The following ADCY5 variants were observed in gnomAD, a reference collection of about 807,000 sequenced individuals.
ADCY5 encodes adenylate cyclase type 5.
ADCY5 carries 30 observed loss-of-function variants against 119.7 expected under a neutral mutation model. That is an observed-to-expected ratio of 0.25 (90% CI 0.19 to 0.34). ADCY5 has a LOEUF of 0.34. Ranked by LOEUF, ADCY5 falls within the 10% of genes least tolerant of loss-of-function variation. The probability of loss-of-function intolerance (pLI) is 1.00; values close to 1 mark genes in which losing one functional copy is unlikely to be tolerated. For synonymous variants in ADCY5, 753 were observed against 762.2 expected, an observed-to-expected ratio of 0.99 and a Z score of 0.20; for missense variants, 1,324 against 1,775.2, an observed-to-expected ratio of 0.75 and a Z score of 4.57.
intron 12 of ADCY5, among the ~76,000 whole-genome samples, chr3:123,313,261 A>G (rs1200798085): frequency 1.3e-5 from 2 of 152,140 alleles, no homozygotes; most frequent in Non-Finnish European, 2.9e-5. Context: ...TATACGGTTA[A>G]CAGACTAATA....
chr3:123,438,412 C>T (rs1045269493), intron 1 of ADCY5, among the ~76,000 whole-genome samples: 13 of 152,158 alleles, frequency 8.5e-5, no homozygotes, highest in Non-Finnish European at 1.8e-4. Context: ...GTTTCAGTAA[C>T]CCATGGTCAA....
chr3:123,445,109 T>C lies in ADCY5; in HGVS notation c.1134+2303A>G, dbSNP rs548269993. Among the ~76,000 whole-genome samples the C allele has an allele frequency of 5.3e-5, 8 of 152,330 alleles. 1 individual carries two copies. In the South Asian group the frequency reaches 1.7e-3, roughly 32 times the overall value. On this transcript the variant is annotated intron_variant, in intron 1 of 20. Transcript: ENST00000462833. ...GCATTCCCTTGTCTTGAACCACTCATAACAAGCTCTGCACCACTCAGGGAA... is the reference window on the plus strand; with the variant it reads ...GCATTCCCTTGTCTTGAACCACTCACAACAAGCTCTGCACCACTCAGGGAA...
chr3:123,328,858 T>C (rs1312668105), intron 5 of ADCY5, 56 bp from the exon 6 acceptor site: 4 of 1,560,922 alleles, frequency 2.6e-6, no homozygotes, highest in Non-Finnish European at 3.5e-6. Flanking sequence ...GCACACAGAA[T>C]GGGGGTGAGG....
intron 8 of ADCY5, 68 bp downstream of exon 8, chr3:123,325,254 G>T: frequency 6.4e-7 from 1 of 1,570,766 alleles, no homozygotes. Context: ...TCTGGTGCGG[G>T]CCTCATGCCC....
intron 1 of ADCY5, among the ~76,000 whole-genome samples, chr3:123,436,172 G>T (rs1261397077): frequency 2.0e-5 from 3 of 151,752 alleles, no homozygotes; most frequent in African/African-American, 7.3e-5. Context: ...TTATAGGTGT[G>T]AGCCACTGCA....
rs544446937 is a variant in ADCY5, at chr3:123,325,194, C to T, written c.2088+128G>A. On this transcript the variant is annotated intron_variant, in intron 8 of 20. Coordinates refer to ENST00000462833, the MANE Select transcript of ADCY5 (RefSeq NM_183357.3). ...TAGTCCAAAGTTGGGGCAAACCGCA[C>T]TTGTATTTGCTTGTGTGGCTCCCCA... 4.7e-6 allele frequency: 6 copies of T among 1,280,454 alleles called. No individual in the cohort carries two copies. The African/African-American group carries it at 7.5e-5, about 16-fold the overall frequency. The allele number at this position is 1,280,454 out of a possible 1,614,324, so 79.3% of individuals were successfully genotyped here.
chr3:123,324,407 CACACACACA>C (rs1559806271), intron 8 of ADCY5, among the ~76,000 whole-genome samples: 2 of 586 alleles, frequency 3.4e-3, no homozygotes, highest in African/African-American at 0.021. Context: ...ACAGAAACCA[CACACACACA>C]CACACACACA....
In ADCY5 at chr3:123,286,874, C is replaced by T; in HGVS notation, c.3533-65G>A. 1 of 1,523,020 alleles carries T rather than the reference C, an allele frequency of 6.6e-7. No individual in the cohort carries two copies. The allele number at this position is 1,523,020 out of a possible 1,614,324, so 94.3% of individuals were successfully genotyped here. On this transcript the variant is annotated intron_variant, in intron 19 of 20. Coordinates refer to ENST00000462833, the MANE Select transcript of ADCY5 (RefSeq NM_183357.3). This position sits in a 1 kb window ranked among gnomAD's most constrained non-coding sequence, Gnocchi z 4.2. Reference sequence around the variant, plus strand: ...GGCTTGACCTTGCCACCATCTGTCTCCCCACATGCTGCAGGTCCTTCTGAC... The same window carrying T: ...GGCTTGACCTTGCCACCATCTGTCTTCCCACATGCTGCAGGTCCTTCTGAC...
rs188893874 is a variant in ADCY5, at chr3:123,315,284, T to C, written c.2355-962A>G. On this transcript the variant is annotated intron_variant, in intron 11 of 20. Coordinates refer to ENST00000462833, the MANE Select transcript of ADCY5 (RefSeq NM_183357.3). Reference sequence around the variant, plus strand: ...CAGGCCTCCACAAAAGCCCGGCACTTAGCTGCCTTCAACAAACGGAACAAG... The same window carrying C: ...CAGGCCTCCACAAAAGCCCGGCACTCAGCTGCCTTCAACAAACGGAACAAG... 1.5e-4 allele frequency among the ~76,000 whole-genome samples: 23 copies of C among 152,320 alleles called. No individual in the cohort carries two copies. The East Asian group carries it at 4.1e-3, about 27-fold the overall frequency.
chr3:123,374,317 G>A (rs927022554), intron 1 of ADCY5, among the ~76,000 whole-genome samples: 6 of 152,138 alleles, frequency 3.9e-5, no homozygotes, highest in Non-Finnish European at 5.9e-5. Flanking sequence ...CCCAGATGGT[G>A]AACCACTGTC....
At chr3:123,384,735 T>G (rs776039024) in intron 1 of ADCY5, among the ~76,000 whole-genome samples, 1 of 152,168 alleles carries the variant, frequency 6.6e-6, no homozygotes, top group Non-Finnish European at 1.5e-5. Context: ...CTTCCCACTC[T>G]GAAGTGCAGC....
At chr3:123,288,308 G>A (rs759303551) in intron 19 of ADCY5, among the ~76,000 whole-genome samples, 26 of 152,158 alleles carry the variant, frequency 1.7e-4, no homozygotes, top group South Asian at 1.2e-3. Context: ...CTGAAATGCC[G>A]GTACTTTTGT....
chr3:123,412,904 C>T (rs1404084066), intron 1 of ADCY5, among the ~76,000 whole-genome samples: 2 of 152,160 alleles, frequency 1.3e-5, no homozygotes, highest in African/African-American at 4.8e-5. Context: ...GTCAGAACAG[C>T]TGGTGACGGC....
At chr3:123,333,625 T>A (rs1178837610) in intron 3 of ADCY5, among the ~76,000 whole-genome samples, 2 of 152,236 alleles carry the variant, frequency 1.3e-5, no homozygotes, top group East Asian at 3.8e-4. Context: ...GCGTGAGGCC[T>A]GGGTGTGTGC....
chr3:123,327,801 C>CA (rs1411720051), intron 6 of ADCY5, 42 bp from the exon 7 acceptor site: 2 of 1,607,912 alleles, frequency 1.2e-6, no homozygotes, highest in East Asian at 4.5e-5. Flanking sequence ...GCAGAAAACT[C>CA]AAAGTCATAA....
chr3:123,305,824 C>G (rs1940168313), intron 12 of ADCY5, among the ~76,000 whole-genome samples: 1 of 152,222 alleles, frequency 6.6e-6, no homozygotes. Flanking sequence ...AAGCCATTTC[C>G]TATCAGCACA....
At chr3:123,426,412 C>G (rs549796507) in intron 1 of ADCY5, among the ~76,000 whole-genome samples, 300 of 152,088 alleles carry the variant, frequency 2.0e-3, no homozygotes, top group African/African-American at 7.1e-3. Context: ...CAACCTCCCC[C>G]TCCTGGGTTC....
At chr3:123,378,571 T>C (rs530851119) in intron 1 of ADCY5, among the ~76,000 whole-genome samples, 1 of 152,234 alleles carries the variant, frequency 6.6e-6, no homozygotes, top group Non-Finnish European at 1.5e-5. Flanking sequence ...ACCCTCCAGA[T>C]CTCACTCCTC....
intron 1 of ADCY5, among the ~76,000 whole-genome samples, chr3:123,393,737 T>C (rs1483110161): frequency 6.6e-6 from 1 of 152,084 alleles, no homozygotes; most frequent in Non-Finnish European, 1.5e-5. Flanking sequence ...CAGACTCCCC[T>C]GCACCCTGCC....
Sources: gnomAD v4.1 joint callset for allele counts (sites outside exome capture counted in the v4.1 genomes callset) on GRCh38, gnomAD v4.1.1 for gene constraint, Gnocchi (gnomAD v3.1) non-coding constraint, MANE v1.5 for transcripts, NCBI Gene and HGNC (gene_info 2026-07-23, HGNC 2026-07-21) for gene names.